Variants in PRRC2B observed in about 807,000 individuals in gnomAD.
PRRC2B encodes proline rich coiled-coil 2B.
PRRC2B carries 68 observed loss-of-function variants against 242.3 expected under a neutral mutation model. The observed-to-expected ratio is 0.28, with a 90% CI of 0.23 to 0.34. PRRC2B has a LOEUF of 0.34. Among genes scored for constraint, PRRC2B ranks in the 10% least tolerant of loss-of-function variants. PRRC2B has a pLI of 1.00. For synonymous variants in PRRC2B, 1,228 were observed against 1,173.6 expected (o/e 1.05, Z -0.95); for missense variants, 2,835 against 2,954.8 (o/e 0.96, Z 0.94).
upstream of PRRC2B, among the ~76,000 whole-genome samples, chr9:131,389,933 T>G (rs1453277936): frequency 7.0e-6 from 1 of 142,016 alleles, no homozygotes; most frequent in African/African-American, 2.5e-5. Context: ...TTTTGTTTTT[T>G]TTTTTTTTGA....
chr9:131,472,471 A>ATTTTTTTTTTTTTTTTTTTTT lies in PRRC2B; in HGVS notation c.2108-1034_2108-1014dup, dbSNP rs749051569. Among the ~76,000 whole-genome samples the ATTTTTTTTTTTTTTTTTTTTT allele has an allele frequency of 2.2e-5, 2 of 91,522 alleles. 1 individual carries two copies. 60.0% of individuals were successfully genotyped at this position (91,522 alleles called of 152,430 possible). A position where few individuals can be genotyped will look rare whatever the true frequency, so the allele number is the denominator to read the frequency against. ...AGGCGCCCACCACCACGCCCAGCTA[A>ATTTTTTTTTTTTTTTTTTTTT]TTTTTTTTTTTTTTTTTTTTTTTGA... On this transcript the variant is annotated intron_variant, in intron 14 of 31. Coordinates refer to ENST00000683519, the MANE Select transcript of PRRC2B (RefSeq NM_013318.4).
At position 131,444,237 on chromosome 9, in the gene PRRC2B, G is replaced by T; in HGVS notation, c.522G>T (p.Thr174=). The T allele has an allele frequency of 3.7e-6, 6 of 1,613,968 alleles. No homozygotes were observed. Among genetic ancestry groups the T allele is most frequent in the Non-Finnish European group, 5.1e-6 (6 of 1,179,880 alleles). Residue 174 remains threonine, a synonymous_variant, in exon 6 of 32, where the codon ACG becomes ACT. Coordinates refer to ENST00000683519, the MANE Select transcript of PRRC2B (RefSeq NM_013318.4). ...CCTTCTCTCCCGAGGAATTTCCGACGCTGAAAGCAGCTGGAGGGCAGGACA... is the reference window on the plus strand; with the variant it reads ...CCTTCTCTCCCGAGGAATTTCCGACTCTGAAAGCAGCTGGAGGGCAGGACA... ...LLSFSPEEFP[T]LKAAGGQDKA...
intron 19 of PRRC2B, 40 bp downstream of exon 19, chr9:131,479,433 G>A (rs1445082212): frequency 6.3e-7 from 1 of 1,597,178 alleles, no homozygotes. Context: ...GGCACCCAAG[G>A]TCACATCACA....
intron 11 of PRRC2B, among the ~76,000 whole-genome samples, chr9:131,459,883 T>G (rs1194517530): frequency 2.8e-5 from 4 of 144,730 alleles, no homozygotes; most frequent in African/African-American, 5.2e-5. Context: ...GCATGGTGGC[T>G]CACACAGTTT....
In PRRC2B at chr9:131,496,017, C is replaced by T. The variant is rs553547141; in HGVS notation, c.*143C>T. 1.2e-5 allele frequency: 14 copies of T among 1,142,596 alleles called. No individual in the cohort carries two copies. Among genetic ancestry groups the T allele is most frequent in the South Asian group, 4.7e-5 (3 of 63,798 alleles). 70.8% of individuals were successfully genotyped at this position (1,142,596 alleles called of 1,614,324 possible). A position where few individuals can be genotyped will look rare whatever the true frequency, so the allele number is the denominator to read the frequency against. On this transcript the variant is annotated 3_prime_UTR_variant, in exon 32 of 32. Coordinates refer to ENST00000683519, the MANE Select transcript of PRRC2B (RefSeq NM_013318.4). ...GAGAGACCTCCCTCCTCTCCACTCC[C>T]GAAAGCTCCGTTGTCAACCAGCTTG...
At chr9:131,459,561 C>T (rs925112956) in intron 11 of PRRC2B, among the ~76,000 whole-genome samples, 2 of 152,292 alleles carry the variant, frequency 1.3e-5, no homozygotes, top group East Asian at 1.9e-4. Context: ...GCTAGGATTA[C>T]AGGTGTGAGC....
At chr9:131,429,261 T>TTGAG (rs36119236) in intron 1 of PRRC2B, among the ~76,000 whole-genome samples, 8,450 of 151,856 alleles carry the variant, frequency 0.056, 325 homozygotes, top group African/African-American at 0.1. Context: ...GCTTAGTATT[T>TTGAG]TGAGTGAGTG....
At chr9:131,470,762 C>T (rs1478518893) in intron 13 of PRRC2B, 26 bp from the exon 14 acceptor site, 1 of 1,601,784 alleles carries the variant, frequency 6.2e-7, no homozygotes, top group Admixed American at 1.7e-5. Flanking sequence ...ACCAGCCTGA[C>T]CAAGTCTCTC....
At chr9:131,423,447 C>T (rs907660770) in intron 1 of PRRC2B, among the ~76,000 whole-genome samples, 1 of 152,196 alleles carries the variant, frequency 6.6e-6, no homozygotes, top group Non-Finnish European at 1.5e-5. Flanking sequence ...CTGCTAACAG[C>T]GCCCTGGCCT....
At chr9:131,425,344 T>A (rs1837949545) in intron 1 of PRRC2B, among the ~76,000 whole-genome samples, 2 of 152,008 alleles carry the variant, frequency 1.3e-5, no homozygotes, top group Non-Finnish European at 2.9e-5. Flanking sequence ...GAATCAAACC[T>A]TCTCAGAGAA....
At position 131,460,129 on chromosome 9, in the gene PRRC2B, C is replaced by T. The variant is rs1232276962; in HGVS notation, c.1404+773C>T. Among the ~76,000 whole-genome samples the T allele has an allele frequency of 2.0e-5, 3 of 152,162 alleles. No homozygotes were observed. In the East Asian group the frequency reaches 5.8e-4, roughly 29 times the overall value. On this transcript the variant is annotated intron_variant, in intron 11 of 31. Transcript: ENST00000683519. ...TTTACACTGTGGTACTTGTTTCCTA[C>T]CAAGATGGGGACATTCCACCCAGGT... is the stretch of plus-strand genomic sequence containing the variant.
At chr9:131,440,507 G>A (rs1033547366) in intron 5 of PRRC2B, among the ~76,000 whole-genome samples, 1 of 152,184 alleles carries the variant, frequency 6.6e-6, no homozygotes, top group Non-Finnish European at 1.5e-5. Context: ...ATGGAAGCCA[G>A]TTTGGCGCTG....
At chr9:131,435,079 C>A (rs1223324009) in intron 3 of PRRC2B, among the ~76,000 whole-genome samples, 2 of 151,892 alleles carry the variant, frequency 1.3e-5, no homozygotes, top group Non-Finnish European at 2.9e-5. Context: ...GGGTGGATCA[C>A]CTGAGGTCAG....
Position 131,430,155 on chromosome 9 carries a change from G to A in PRRC2B, c.11G>A (p.Arg4His), listed in dbSNP as rs770190899. 6 of 1,601,758 alleles carry A rather than the reference G, an allele frequency of 3.7e-6. No homozygotes were observed. The highest frequency in any genetic ancestry group is 1.1e-5 in the South Asian group (1 of 88,904). ...TGACATTTCATCGCAATGTCCGATC[G>A]TTTGGGGCAAATTACCAAGGGCAAG... MSD[R>H]LGQITKGKDG... is the part of the protein sequence containing the mutation. The change falls in exon 2 of 32, where the codon CGT becomes CAT. Residue 4 changes from arginine to histidine, a missense_variant. By Grantham distance (29) the Arg-to-His change is conservative. Around this residue, in one of 7 missense-constraint regions of PRRC2B, gnomAD observed 626 missense variants for 685.5 expected, o/e 0.91. Transcript: ENST00000683519.
At chr9:131,476,633 C>T in intron 16 of PRRC2B, 98 bp downstream of exon 16, 1 of 1,132,252 alleles carries the variant, frequency 8.8e-7, no homozygotes, top group Non-Finnish European at 1.2e-6. Context: ...TGTGTCGGGG[C>T]TGGGGGCCTG....
chr9:131,441,304 A>G (rs1303680338), intron 5 of PRRC2B, among the ~76,000 whole-genome samples: 1 of 152,176 alleles, frequency 6.6e-6, no homozygotes, highest in Non-Finnish European at 1.5e-5. Flanking sequence ...TTCTGTGTCT[A>G]CCTTTACATG....
chr9:131,407,144 A>T (rs189129772), intron 1 of PRRC2B, among the ~76,000 whole-genome samples: 1 of 152,326 alleles, frequency 6.6e-6, no homozygotes, highest in African/African-American at 2.4e-5. Flanking sequence ...GTATTGGTAA[A>T]GTTCAGCAGT....
Position 131,487,378 on chromosome 9 carries a change from T to A in PRRC2B, c.5984+84T>A. 9.9e-6 allele frequency: 10 copies of A among 1,012,210 alleles called. No individual in the cohort carries two copies. In the South Asian group the frequency reaches 1.6e-4, roughly 16 times the overall value. 62.7% of individuals were successfully genotyped at this position (1,012,210 alleles called of 1,614,324 possible). A position where few individuals can be genotyped will look rare whatever the true frequency, so the allele number is the denominator to read the frequency against. On this transcript the variant is annotated intron_variant, in intron 27 of 31. Coordinates refer to ENST00000683519, the MANE Select transcript of PRRC2B (RefSeq NM_013318.4). This position sits in a 1 kb window ranked among gnomAD's most constrained non-coding sequence, Gnocchi z 5.3. ...GTGCAGCCTTCGTCCTGCAGCTGTTTGGTGCTTGTCTGCTTTGGGGCCAGT... is the reference window on the plus strand; with the variant it reads ...GTGCAGCCTTCGTCCTGCAGCTGTTAGGTGCTTGTCTGCTTTGGGGCCAGT...
chr9:131,433,615 T>C (rs553508994), intron 3 of PRRC2B, among the ~76,000 whole-genome samples: 1 of 152,364 alleles, frequency 6.6e-6, no homozygotes, highest in East Asian at 1.9e-4. Flanking sequence ...AGAAATCTGC[T>C]GCTGGGGTTT....
Sources: allele counts gnomAD v4.1 joint callset (sites outside exome capture counted in the v4.1 genomes callset), GRCh38; gene constraint gnomAD v4.1.1; regional missense constraint gnomAD v4.1.1; non-coding constraint Gnocchi (gnomAD v3.1); transcripts MANE v1.5; gene names NCBI Gene and HGNC (gene_info 2026-07-23, HGNC 2026-07-21).